DOCK3: variants seen among roughly 807,000 people sequenced by gnomAD.
DOCK3 encodes dedicator of cytokinesis 3, also known as dedicator of cytokinesis protein 3.
In DOCK3, 60 loss-of-function variants were observed where a neutral mutation model predicts 265.6. The ratio of observed to expected loss-of-function variants is 0.23; its 90% confidence interval spans 0.18 to 0.28. DOCK3 has a LOEUF of 0.28. Among genes scored for constraint, DOCK3 ranks in the 10% least tolerant of loss-of-function variants. The pLI is 1.00. For synonymous variants in DOCK3, 881 were observed against 938.0 expected (o/e 0.94, Z 1.11); for missense variants, 1,981 against 2,594.3 (o/e 0.76, Z 5.14).
At chr3:51,095,634 C>T (rs1475016802) in intron 9 of DOCK3, among the ~76,000 whole-genome samples, 1 of 151,792 alleles carries the variant, frequency 6.6e-6, no homozygotes, top group African/African-American at 2.4e-5. Flanking sequence ...TGATCTTTAT[C>T]TTCTGGTTAT....
At position 51,336,831 on chromosome 3, in the gene DOCK3, C is replaced by T. The variant is rs778860618; in HGVS notation, c.3612-1528C>T. On this transcript the variant is annotated intron_variant, in intron 35 of 52. Transcript: ENST00000266037. ...GGTTATGGCCAAATAGAAGTTAATC[C>T]GTGGTAAATGTTTCAGATGCTTTAT... 2.9e-5 allele frequency: 13 copies of T among 454,978 alleles called. No individual in the cohort carries two copies. The East Asian group carries it at 4.2e-4, about 15-fold the overall frequency. The allele number at this position is 454,978 out of a possible 1,614,324, so 28.2% of individuals were successfully genotyped here.
At chr3:51,365,025 T>C (rs369181300) in intron 49 of DOCK3, among the ~76,000 whole-genome samples, 2 of 152,154 alleles carry the variant, frequency 1.3e-5, no homozygotes, top group Non-Finnish European at 2.9e-5. Context: ...TGAAGAAAGT[T>C]ATTGGTAGCT....
At position 51,139,791 on chromosome 3, in the gene DOCK3, T is replaced by A. The variant is rs144597791; in HGVS notation, c.747-6758T>A. Among the ~76,000 whole-genome samples the A allele has an allele frequency of 3.9e-3, 595 of 152,338 alleles. 1 individual carries two copies. The highest frequency in any genetic ancestry group is 6.1e-3 in the Non-Finnish European group (418 of 68,038). On this transcript the variant is annotated intron_variant, in intron 9 of 52. Coordinates refer to ENST00000266037, the MANE Select transcript of DOCK3 (RefSeq NM_004947.5). ...TTCTCTAGGAAACTGGCATTTAGGC[T>A]AAGATCTGAAGGATGGCAGTGAGCC...
chr3:51,308,641 A>T (rs112238924), intron 27 of DOCK3, among the ~76,000 whole-genome samples: 1 of 152,344 alleles, frequency 6.6e-6, no homozygotes, highest in African/African-American at 2.4e-5. Context: ...CACAGCAACC[A>T]TCCCATTTCT....
In DOCK3 at chr3:50,877,650, T is replaced by TTTTC. The variant is rs1553690860; in HGVS notation, c.163-12373_163-12372insCTTT. 3 of 389,216 alleles carry TTTTC rather than the reference T, an allele frequency of 7.7e-6. No individual in the cohort carries two copies. In the Admixed American group the frequency reaches 1.1e-4, roughly 14 times the overall value. The allele number at this position is 389,216 out of a possible 1,614,324, so 24.1% of individuals were successfully genotyped here. On this transcript the variant is annotated intron_variant, in intron 3 of 52. Coordinates refer to ENST00000266037, the MANE Select transcript of DOCK3 (RefSeq NM_004947.5). ...TATCTAGGGCTTCAATGGCAGCCAC[T>TTTTC]TTTTCTTTTCTTTTCTTTTCTTTTC...
At position 51,215,059 on chromosome 3, in the gene DOCK3, T is replaced by A. The variant is rs146980958; in HGVS notation, c.1252+812T>A. 7.9e-5 allele frequency among the ~76,000 whole-genome samples: 12 copies of A among 152,244 alleles called. No homozygotes were observed. The East Asian group carries it at 2.3e-3, about 29-fold the overall frequency. On this transcript the variant is annotated intron_variant, in intron 14 of 52. Coordinates refer to ENST00000266037, the MANE Select transcript of DOCK3 (RefSeq NM_004947.5). ...GGAAAAGGAGATTAGAATGGGTAAA[T>A]GTCTGGTTATCTGGATAGATTCTAG...
intron 27 of DOCK3, among the ~76,000 whole-genome samples, chr3:51,288,768 A>C (rs2081558840): frequency 6.6e-6 from 1 of 152,178 alleles, no homozygotes. Context: ...AGAAACTGAG[A>C]GCTTGAAAGG....
intron 5 of DOCK3, among the ~76,000 whole-genome samples, chr3:51,046,542 A>C (rs1575871596): frequency 6.6e-6 from 1 of 152,224 alleles, no homozygotes; most frequent in Admixed American, 6.5e-5. Context: ...GGAAGATAGA[A>C]CAATTATAAA....
intron 5 of DOCK3, among the ~76,000 whole-genome samples, chr3:50,973,071 T>TTTTTC (rs2077297409): frequency 6.9e-6 from 1 of 144,898 alleles, no homozygotes; most frequent in African/African-American, 2.5e-5. Flanking sequence ...TTTTTTTTTT[T>TTTTTC]TTGCAGTTCC....
intron 11 of DOCK3, 46 bp downstream of exon 11, chr3:51,159,350 TGGG>T: frequency 6.4e-7 from 1 of 1,571,782 alleles, no homozygotes; most frequent in Non-Finnish European, 8.7e-7. Context: ...TGGCCCAACT[TGGG>T]ATAAGTATGT....
chr3:50,755,381 C>T (rs576519653), intron 1 of DOCK3, among the ~76,000 whole-genome samples: 3 of 152,260 alleles, frequency 2.0e-5, no homozygotes, highest in African/African-American at 7.2e-5. Context: ...GTATCACCAC[C>T]ATTAGTTGTA....
At chr3:50,747,873 AG>A (rs35359193) in intron 1 of DOCK3, among the ~76,000 whole-genome samples, 111,193 of 147,096 alleles carry the variant, frequency 0.76, 42,862 homozygotes, top group Middle Eastern at 0.88. Context: ...GAAAAAAAAA[AG>A]GGGGGGGGTA....
At chr3:50,889,887 C>T in intron 3 of DOCK3, 139 bp from the exon 4 acceptor site, 1 of 584,346 alleles carries the variant, frequency 1.7e-6, no homozygotes, top group South Asian at 3.6e-5. Flanking sequence ...TACAGCTCTG[C>T]ATACTTAATA....
At chr3:50,790,076 A>G (rs1277594840) in intron 2 of DOCK3, among the ~76,000 whole-genome samples, 1 of 152,076 alleles carries the variant, frequency 6.6e-6, no homozygotes, top group African/African-American at 2.4e-5. Flanking sequence ...GTGTTTTTTT[A>G]ACTGCTTTTG....
chr3:51,161,002 G>A (rs1051696992), intron 12 of DOCK3, among the ~76,000 whole-genome samples: 3 of 151,606 alleles, frequency 2.0e-5, no homozygotes, highest in African/African-American at 7.3e-5. Flanking sequence ...CTTGAACCTG[G>A]GAGGCAGAGG....
intron 7 of DOCK3, among the ~76,000 whole-genome samples, chr3:51,088,137 T>G (rs1415279830): frequency 6.6e-6 from 1 of 152,098 alleles, no homozygotes; most frequent in Non-Finnish European, 1.5e-5. Flanking sequence ...TTAAATGAAA[T>G]AAGCCGGGCA....
In DOCK3 at chr3:51,375,814, A is replaced by C; in HGVS notation, c.5479A>C (p.Asn1827His). 6.2e-7 allele frequency: 1 copy of C among 1,613,962 alleles called. No individual in the cohort carries two copies. The highest frequency in any genetic ancestry group is 1.3e-5 in the African/African-American group (1 of 75,028). Reference protein sequence around the residue: ...VGACKPCSDPNLSVAEKGHYS... With the variant: ...VGACKPCSDPHLSVAEKGHYS... ...AGCCTGCAAACCCTGCAGTGATCCC[A>C]ATCTGTCTGTGGCTGAAAAAGGTAT... The change falls in exon 51 of 53, where the codon AAT (asparagine) becomes CAT (histidine). Residue 1827 changes from asparagine to histidine, a missense_variant. Transcript: ENST00000266037.
At chr3:50,939,613 C>T (rs1010205217) in intron 5 of DOCK3, among the ~76,000 whole-genome samples, 2 of 152,012 alleles carry the variant, frequency 1.3e-5, no homozygotes, top group Admixed American at 6.6e-5. Context: ...TATTAACATT[C>T]TAAAGAAGAA....
intron 16 of DOCK3, 21 bp downstream of exon 16, chr3:51,227,466 T>A (rs765887897): frequency 1.9e-6 from 3 of 1,613,096 alleles, no homozygotes; most frequent in Non-Finnish European, 2.5e-6. Flanking sequence ...CTTCCCCCCC[T>A]CCACATTCCC....
Sources: allele counts gnomAD v4.1 joint callset (sites outside exome capture counted in the v4.1 genomes callset), GRCh38; gene constraint gnomAD v4.1.1; transcripts MANE v1.5; gene names NCBI Gene and HGNC (gene_info 2026-07-23, HGNC 2026-07-21).